The following VAT1L variants were observed in gnomAD, a reference collection of about 807,000 sequenced individuals.
The protein encoded by VAT1L is vesicle amine transport 1 like, also known as putative NADPH-dependent quinone oxidoreductase VAT1L.
A neutral mutation model predicts 44.1 loss-of-function variants in VAT1L; 34 were observed. That is an observed-to-expected ratio of 0.77 (90% confidence interval 0.59 to 1.03). The LOEUF (loss-of-function observed/expected upper bound fraction) is 1.03. Ranked by LOEUF, VAT1L falls within the 50% of genes least tolerant of loss-of-function variation. The probability of loss-of-function intolerance (pLI) is 0.00; values close to 1 mark genes in which losing one functional copy is unlikely to be tolerated. For missense variants in VAT1L, 615 were observed against 538.8 expected (o/e 1.14, Z -1.40); for synonymous variants, 253 against 202.2 (o/e 1.25, Z -2.13).
In VAT1L at chr16:77,821,232, T is replaced by C. The variant is rs984934723; in HGVS notation, c.364-4014T>C. ...CTAGTCATGTAAAAGGATAAGTCAA[T>C]ATAATGGGATCTGCATAATTATGAA... On this transcript the variant is annotated intron_variant, in intron 2 of 8. Coordinates refer to ENST00000302536, the MANE Select transcript of VAT1L (RefSeq NM_020927.3). 2.0e-5 allele frequency among the ~76,000 whole-genome samples: 3 copies of C among 152,016 alleles called. No homozygotes were observed. The South Asian group carries it at 6.2e-4, about 32-fold the overall frequency.
rs543409870 is a variant in VAT1L at position 77,791,467 on chromosome 16, G to C, written c.233+2552G>C. Among the ~76,000 whole-genome samples the C allele has an allele frequency of 1.9e-4, 29 of 152,242 alleles. No individual in the cohort carries two copies. The South Asian group carries it at 5.2e-3, about 27-fold the overall frequency. On this transcript the variant is annotated intron_variant, in intron 1 of 8. Coordinates refer to ENST00000302536, the MANE Select transcript of VAT1L (RefSeq NM_020927.3). Reference sequence around the variant, plus strand: ...ATCATGGACCCTTTTTCATTAATGCGCCAGTGAGATGGGTATTTTTCCTAC... The same window carrying C: ...ATCATGGACCCTTTTTCATTAATGCCCCAGTGAGATGGGTATTTTTCCTAC...
intron 1 of VAT1L, among the ~76,000 whole-genome samples, chr16:77,811,045 T>C (rs16946523): frequency 0.013 from 2,020 of 152,264 alleles, 45 homozygotes; most frequent in African/African-American, 0.043. Flanking sequence ...TAGGAAAATA[T>C]AGGATGAGGC....
intron 2 of VAT1L, among the ~76,000 whole-genome samples, chr16:77,821,300 C>CA (rs2016449483): frequency 7.4e-6 from 1 of 135,242 alleles, no homozygotes. Context: ...GAAATCTTGT[C>CA]TTTTTTTTTT....
Position 77,958,582 on chromosome 16 carries a change from T to A in VAT1L, c.1078-13268T>A, listed in dbSNP as rs575784805. Among the ~76,000 whole-genome samples, 160 of 152,326 alleles carry A rather than the reference T, an allele frequency of 1.1e-3. 2 individuals carry two copies. The highest frequency in any genetic ancestry group is 3.7e-3 in the African/African-American group (155 of 41,570). ...AACACTGGAGGGAATTCACCAGATT[T>A]TTTTTTCCCTCTGCTTTAGTTCAAA... is the stretch of plus-strand genomic sequence containing the variant. On this transcript the variant is annotated intron_variant, in intron 7 of 8. Coordinates refer to ENST00000302536, the MANE Select transcript of VAT1L (RefSeq NM_020927.3).
intron 4 of VAT1L, among the ~76,000 whole-genome samples, chr16:77,871,344 C>T (rs536444763): frequency 6.6e-6 from 1 of 152,114 alleles, no homozygotes; most frequent in East Asian, 2.0e-4. Context: ...GTAGAAATGC[C>T]GAGAGAGAGG....
chr16:77,880,432 T>G (rs573824287), intron 6 of VAT1L, among the ~76,000 whole-genome samples: 1 of 152,144 alleles, frequency 6.6e-6, no homozygotes, highest in South Asian at 2.1e-4. Flanking sequence ...AGTGCTGGAA[T>G]TATAGGTGTG....
chr16:77,862,233 T>A (rs1195697823), intron 3 of VAT1L, among the ~76,000 whole-genome samples: 1 of 152,198 alleles, frequency 6.6e-6, no homozygotes, highest in Non-Finnish European at 1.5e-5. Flanking sequence ...ACTGGGAGGA[T>A]GCTACTGGCA....
chr16:77,947,222 A>C (rs1385047569), intron 7 of VAT1L, among the ~76,000 whole-genome samples: 1 of 152,210 alleles, frequency 6.6e-6, no homozygotes, highest in Non-Finnish European at 1.5e-5. Flanking sequence ...AGCGCTCACA[A>C]GACCATCTGC....
At chr16:77,861,973 T>C (rs147356809) in intron 3 of VAT1L, among the ~76,000 whole-genome samples, 1,791 of 152,310 alleles carry the variant, frequency 0.012, 32 homozygotes, top group African/African-American at 0.038. Context: ...CCGGAGATCA[T>C]TGTCCAGGTA....
intron 3 of VAT1L, among the ~76,000 whole-genome samples, chr16:77,847,831 T>G (rs747604122): frequency 1.3e-5 from 2 of 152,198 alleles, no homozygotes; most frequent in Non-Finnish European, 2.9e-5. Context: ...TTATTTGAAT[T>G]TTTATCAGTC....
chr16:77,832,145 G>C (rs1567481259), intron 3 of VAT1L, among the ~76,000 whole-genome samples: 3 of 151,872 alleles, frequency 2.0e-5, no homozygotes, highest in Admixed American at 6.6e-5. Context: ...TGTTTCTTTA[G>C]TTTTGATGTG....
intron 3 of VAT1L, among the ~76,000 whole-genome samples, chr16:77,827,753 G>A (rs1368056482): frequency 6.6e-6 from 1 of 152,062 alleles, no homozygotes; most frequent in Non-Finnish European, 1.5e-5. Context: ...AACTAACACT[G>A]GTTTTGGGGA....
intron 7 of VAT1L, among the ~76,000 whole-genome samples, chr16:77,925,375 A>C (rs2017654817): frequency 6.6e-6 from 1 of 152,152 alleles, no homozygotes; most frequent in Non-Finnish European, 1.5e-5. Context: ...CCAAATAGTC[A>C]CTAATTTCAC....
At chr16:77,899,426 G>A (rs1028932280) in intron 7 of VAT1L, among the ~76,000 whole-genome samples, 2 of 152,232 alleles carry the variant, frequency 1.3e-5, no homozygotes, top group Non-Finnish European at 1.5e-5. Context: ...TTAGACAGGT[G>A]ACACTGCATC....
chr16:77,877,937 G>A (rs773518006), intron 5 of VAT1L, among the ~76,000 whole-genome samples: 8 of 152,294 alleles, frequency 5.3e-5, no homozygotes, highest in East Asian at 1.9e-4. Flanking sequence ...GTCCCTGCAC[G>A]TTGCAAGGAT....
intron 7 of VAT1L, among the ~76,000 whole-genome samples, chr16:77,920,596 T>A (rs1396384039): frequency 4.6e-5 from 7 of 152,236 alleles, no homozygotes; most frequent in Non-Finnish European, 8.8e-5. Context: ...GATATAGTCA[T>A]GCTCTGTATA....
intron 3 of VAT1L, among the ~76,000 whole-genome samples, chr16:77,843,521 C>T (rs1480178397): frequency 6.6e-6 from 1 of 152,226 alleles, no homozygotes; most frequent in East Asian, 1.9e-4. Context: ...GAATTAATTA[C>T]ACCAGTGAGG....
At chr16:77,918,902 T>C (rs542084983) in intron 7 of VAT1L, among the ~76,000 whole-genome samples, 2 of 152,304 alleles carry the variant, frequency 1.3e-5, no homozygotes, top group African/African-American at 4.8e-5. Context: ...GTTCTCTCTC[T>C]CCTGAGCTTA....
chr16:77,943,402 CAG>C (rs1443349265), intron 7 of VAT1L, among the ~76,000 whole-genome samples: 1 of 118,850 alleles, frequency 8.4e-6, no homozygotes, highest in Non-Finnish European at 1.7e-5. Flanking sequence ...TTTTTTGAGA[CAG>C]AGTCTCGCTC....
Sources: allele counts gnomAD v4.1 joint callset (sites outside exome capture counted in the v4.1 genomes callset), GRCh38; gene constraint gnomAD v4.1.1; transcripts MANE v1.5; gene names NCBI Gene and HGNC (gene_info 2026-07-23, HGNC 2026-07-21).